MAST4: variants seen among roughly 807,000 people sequenced by gnomAD.
The protein encoded by MAST4 is microtubule associated serine/threonine kinase family member 4, also known as microtubule-associated serine/threonine-protein kinase 4.
In MAST4, 89 loss-of-function variants were observed where a neutral mutation model predicts 162.7. That is an observed-to-expected ratio of 0.55 (90% CI 0.46 to 0.65). MAST4 has a LOEUF of 0.65. Among genes scored for constraint, MAST4 ranks in the 30% least tolerant of loss-of-function variants. The pLI is 0.00. For missense variants in MAST4, 3,153 were observed against 3,374.0 expected (o/e 0.93, Z 1.62); for synonymous variants, 1,479 against 1,361.1 (o/e 1.09, Z -1.91).
At chr5:67,060,845 G>A (rs1055208898) in intron 5 of MAST4, among the ~76,000 whole-genome samples, 1 of 152,144 alleles carries the variant, frequency 6.6e-6, no homozygotes, top group African/African-American at 2.4e-5. Context: ...GTGTAGTTGG[G>A]CCGTAAGGGA....
chr5:67,065,100 G>A (rs1168495204), intron 5 of MAST4, among the ~76,000 whole-genome samples: 2 of 152,028 alleles, frequency 1.3e-5, no homozygotes, highest in Non-Finnish European at 1.5e-5. Flanking sequence ...ATCCCTAAAA[G>A]TTTATGTATT....
chr5:66,907,596 G>A (rs796964663), intron 4 of MAST4, among the ~76,000 whole-genome samples: 30,751 of 84,852 alleles, frequency 0.36, 3,183 homozygotes, highest in Middle Eastern at 0.46. Flanking sequence ...GCGTGTGTGT[G>A]TGTGTGTGTG....
rs371983559 is a variant in MAST4, at chr5:66,610,268, AG to A, written c.363+13251del. Among the ~76,000 whole-genome samples the A allele has an allele frequency of 2.6e-4, 40 of 152,162 alleles. 1 individual carries two copies. Among genetic ancestry groups the A allele is most frequent in the African/African-American group, 9.2e-4 (38 of 41,514 alleles). On this transcript the variant is annotated intron_variant, in intron 1 of 28. Coordinates refer to ENST00000403625, the MANE Select transcript of MAST4 (RefSeq NM_001164664.2). Reference sequence around the variant, plus strand: ...CATTTCCCCTTTTTATAAGGATACCAGTCATTTTGGATTAGGGCTTACCCTA... The same window carrying A: ...CATTTCCCCTTTTTATAAGGATACCATCATTTTGGATTAGGGCTTACCCTA...
At chr5:66,785,771 A>G (rs532323058) in intron 2 of MAST4, among the ~76,000 whole-genome samples, 2 of 152,352 alleles carry the variant, frequency 1.3e-5, no homozygotes, top group Admixed American at 6.5e-5. Flanking sequence ...GCCAGGCCCT[A>G]TAACAGGTAC....
intron 4 of MAST4, among the ~76,000 whole-genome samples, chr5:67,053,914 A>G (rs1318639932): frequency 6.6e-6 from 1 of 152,250 alleles, no homozygotes; most frequent in African/African-American, 2.4e-5. Context: ...GTGGTGAGAC[A>G]CATTTATCTT....
Position 66,596,961 on chromosome 5 carries a change from A to T in MAST4, c.306A>T (p.Gly102=). 1.4e-6 allele frequency: 2 copies of T among 1,437,932 alleles called. No individual in the cohort carries two copies. The highest frequency in any genetic ancestry group is 1.8e-6 in the Non-Finnish European group (2 of 1,099,870). 89.1% of individuals were successfully genotyped at this position (1,437,932 alleles called of 1,614,324 possible). A position where few individuals can be genotyped will look rare whatever the true frequency, so the allele number is the denominator to read the frequency against. ...CGCTGCCGCCGCCGCTTCCCGGAGG[A>T]GCTGTGCCGCCCGCGCCCCGGGGCA... ...VLALPPPLPG[G]AVPPAPRGSS... Residue 102 remains glycine, a synonymous_variant, in exon 1 of 29, where the codon GGA becomes GGT. Transcript: ENST00000403625.
chr5:67,167,746 C>T lies in MAST4; in HGVS notation c.*695C>T, dbSNP rs997226863. 3 of 152,224 alleles carry T rather than the reference C, an allele frequency of 2.0e-5. No homozygotes were observed. The highest frequency in any genetic ancestry group is 1.3e-4 in the Admixed American group (2 of 15,286). The allele number at this position is 152,224 out of a possible 1,614,324, so 9.4% of individuals were successfully genotyped here. A position where few individuals can be genotyped will look rare whatever the true frequency, so the allele number is the denominator to read the frequency against. On this transcript the variant is annotated 3_prime_UTR_variant, in exon 29 of 29. Transcript: ENST00000403625. ...TAAGTACTGCATTTGGAATCCTCCT[C>T]CATTAGGAATGGCCAGGACAAGTGG...
intron 2 of MAST4, among the ~76,000 whole-genome samples, chr5:66,784,377 ATAT>A (rs146115663): frequency 0.01 from 1,531 of 152,350 alleles, 32 homozygotes; most frequent in African/African-American, 0.034. Context: ...TCAAAGCTTA[ATAT>A]TTGCTACATT....
chr5:67,120,737 G>A (rs771058305), intron 13 of MAST4, among the ~76,000 whole-genome samples: 6 of 152,146 alleles, frequency 3.9e-5, no homozygotes, highest in Admixed American at 1.3e-4. Context: ...AAAAGACTAG[G>A]ACAAGGCCAA....
chr5:66,677,317 A>G (rs983721066), intron 1 of MAST4, among the ~76,000 whole-genome samples: 1 of 152,138 alleles, frequency 6.6e-6, no homozygotes, highest in African/African-American at 2.4e-5. Flanking sequence ...CAGAAACTGC[A>G]TTGTAAAAGT....
Position 67,165,464 on chromosome 5 carries a change from T to C in MAST4, c.6285T>C (p.Pro2095=). 6.2e-7 allele frequency: 1 copy of C among 1,613,874 alleles called. No homozygotes were observed. Among genetic ancestry groups the C allele is most frequent in the African/African-American group, 1.3e-5 (1 of 75,038 alleles). ...TTGCCAGGCGGTCTCTGCAGCCACC[T>C]GGAATTGAGAGTGAGAAGAGTGAAA... is the stretch of plus-strand genomic sequence containing the variant. ...ALLARRSLQP[P]GIESEKSEKL... Residue 2095 remains proline, a synonymous_variant, in exon 29 of 29, where the codon CCT becomes CCC. Coordinates refer to ENST00000403625, the MANE Select transcript of MAST4 (RefSeq NM_001164664.2).
intron 1 of MAST4, among the ~76,000 whole-genome samples, chr5:66,725,860 G>A (rs1751484333): frequency 6.6e-6 from 1 of 152,158 alleles, no homozygotes; most frequent in Admixed American, 6.6e-5. Flanking sequence ...TGAAATAGGT[G>A]TAATCTCTGA....
intron 5 of MAST4, among the ~76,000 whole-genome samples, chr5:67,067,832 C>T (rs1215756730): frequency 6.6e-6 from 1 of 152,150 alleles, no homozygotes; most frequent in Non-Finnish European, 1.5e-5. Context: ...GATTCACAGC[C>T]CCTACCCCAC....
chr5:66,872,960 C>T (rs1039010922), intron 3 of MAST4, among the ~76,000 whole-genome samples: 1 of 152,208 alleles, frequency 6.6e-6, no homozygotes. Flanking sequence ...CTGTGCCTCA[C>T]CATGCAGTGT....
At chr5:67,005,174 G>A in intron 4 of MAST4, 1 of 712,698 alleles carries the variant, frequency 1.4e-6, no homozygotes, top group South Asian at 1.5e-5. Context: ...CTCAGGAGCT[G>A]GGGTTTTGTG....
intron 3 of MAST4, among the ~76,000 whole-genome samples, chr5:66,837,510 C>T (rs1014013755): frequency 3.9e-5 from 6 of 152,102 alleles, no homozygotes; most frequent in African/African-American, 1.4e-4. Flanking sequence ...TCCTTCAAGG[C>T]TCTTTTCTAT....
intron 19 of MAST4, among the ~76,000 whole-genome samples, chr5:67,139,286 C>T (rs1204114834): frequency 6.6e-6 from 1 of 152,170 alleles, no homozygotes; most frequent in Non-Finnish European, 1.5e-5. Context: ...TGTGCGAATG[C>T]ACATTTGCCC....
At chr5:66,761,596 G>A (rs751693166) in intron 2 of MAST4, among the ~76,000 whole-genome samples, 2 of 149,870 alleles carry the variant, frequency 1.3e-5, no homozygotes, top group Non-Finnish European at 3.0e-5. Flanking sequence ...GGATTTTGAC[G>A]TTTTGAAGAT....
At chr5:66,667,197 G>T (rs968088656) in intron 1 of MAST4, among the ~76,000 whole-genome samples, 1 of 152,162 alleles carries the variant, frequency 6.6e-6, no homozygotes, top group African/African-American at 2.4e-5. Flanking sequence ...TTTAGACCAT[G>T]AGTTATATAT....
Sources: allele counts gnomAD v4.1 joint callset (sites outside exome capture counted in the v4.1 genomes callset), GRCh38; gene constraint gnomAD v4.1.1; transcripts MANE v1.5; gene names NCBI Gene and HGNC (gene_info 2026-07-23, HGNC 2026-07-21).